Variants in FSTL5 observed in about 807,000 individuals in gnomAD.
The protein encoded by FSTL5 is follistatin like 5, also known as follistatin-related protein 5.
FSTL5 carries 62 observed loss-of-function variants against 89.1 expected under a neutral mutation model. The ratio of observed to expected loss-of-function variants is 0.70; its 90% CI spans 0.57 to 0.86. The LOEUF is 0.86. FSTL5 is among the 40% of genes least tolerant of loss of function. The pLI is 0.00. For synonymous variants in FSTL5, 383 were observed against 346.2 expected (o/e 1.11, Z -1.18); for missense variants, 1,057 against 1,001.6 (o/e 1.06, Z -0.75).
intron 3 of FSTL5, among the ~76,000 whole-genome samples, chr4:161,953,699 T>G (rs1734957679): frequency 2.0e-5 from 3 of 151,672 alleles, no homozygotes; most frequent in African/African-American, 7.2e-5. Context: ...ACATATTTTT[T>G]TCAATGAGAA....
chr4:161,650,860 C>T (rs907793502), intron 7 of FSTL5, among the ~76,000 whole-genome samples: 17 of 152,038 alleles, frequency 1.1e-4, no homozygotes, highest in African/African-American at 4.1e-4. Context: ...ATAATGTAGA[C>T]AATAATGTCT....
At chr4:161,617,510 T>A (rs1734942164) in intron 7 of FSTL5, among the ~76,000 whole-genome samples, 1 of 152,148 alleles carries the variant, frequency 6.6e-6, no homozygotes, top group Non-Finnish European at 1.5e-5. Context: ...CTTACAGACC[T>A]AAGAAGCTGA....
At chr4:161,761,028 T>G (rs1740775300) in intron 5 of FSTL5, among the ~76,000 whole-genome samples, 1 of 151,586 alleles carries the variant, frequency 6.6e-6, no homozygotes, top group African/African-American at 2.4e-5. Flanking sequence ...TAAATAGAAC[T>G]TTTGCAACTC....
intron 4 of FSTL5, among the ~76,000 whole-genome samples, chr4:161,823,122 G>A (rs921671461): frequency 2.0e-5 from 3 of 152,098 alleles, no homozygotes; most frequent in African/African-American, 7.2e-5. Flanking sequence ...CCATTGGCAG[G>A]TATGAAAAAA....
At chr4:161,474,704 C>T (rs996601697) in intron 13 of FSTL5, among the ~76,000 whole-genome samples, 1 of 151,926 alleles carries the variant, frequency 6.6e-6, no homozygotes, top group Admixed American at 6.6e-5. Flanking sequence ...CGCCACCACG[C>T]CTGGCTAATT....
At chr4:161,684,830 A>C (rs1363613598) in intron 6 of FSTL5, among the ~76,000 whole-genome samples, 1 of 152,180 alleles carries the variant, frequency 6.6e-6, no homozygotes, top group East Asian at 1.9e-4. Flanking sequence ...ATCCTTGCCT[A>C]AGCCAATGTC....
chr4:161,777,239 T>TTG (rs1387751882), intron 4 of FSTL5, among the ~76,000 whole-genome samples: 2 of 42,790 alleles, frequency 4.7e-5, no homozygotes, highest in African/African-American at 1.1e-4. Context: ...TAATATTTCA[T>TTG]TGTGTATATA....
Position 161,693,799 on chromosome 4 carries a change from C to T in FSTL5, c.728-37305G>A, listed in dbSNP as rs188470985. ...GACTACAGGTGCCAGCCACCACGCCCGGCTACTTTTTTGTATTTTTAGTAG... is the reference window on the plus strand; with the variant it reads ...GACTACAGGTGCCAGCCACCACGCCTGGCTACTTTTTTGTATTTTTAGTAG... On this transcript the variant is annotated intron_variant, in intron 6 of 15. Transcript: ENST00000306100. Among the ~76,000 whole-genome samples the T allele has an allele frequency of 6.0e-3, 912 of 151,774 alleles. 13 individuals are homozygous for T. Among genetic ancestry groups the T allele is most frequent in the South Asian group, 0.047 (228 of 4,814 alleles).
chr4:161,477,230 A>C (rs1258958398), intron 13 of FSTL5, among the ~76,000 whole-genome samples: 1 of 151,420 alleles, frequency 6.6e-6, no homozygotes, highest in East Asian at 2.0e-4. Context: ...CTACCATCTC[A>C]TAGTAATTTA....
At chr4:161,944,761 A>G (rs1003569285) in intron 3 of FSTL5, among the ~76,000 whole-genome samples, 1 of 151,858 alleles carries the variant, frequency 6.6e-6, no homozygotes, top group African/African-American at 2.4e-5. Flanking sequence ...GTAATTTTTG[A>G]TATTACTAGC....
intron 3 of FSTL5, among the ~76,000 whole-genome samples, chr4:162,027,316 A>T (rs956960674): frequency 6.6e-6 from 1 of 152,040 alleles, no homozygotes; most frequent in Admixed American, 6.6e-5. Context: ...TTAGAGAGGT[A>T]TTTACTTAAT....
intron 6 of FSTL5, among the ~76,000 whole-genome samples, chr4:161,732,038 C>T (rs1739628775): frequency 6.6e-6 from 1 of 151,600 alleles, no homozygotes; most frequent in African/African-American, 2.4e-5. Context: ...CTTTCATTAT[C>T]CCAGGAGTGG....
In FSTL5 at chr4:161,804,392, A is replaced by G. The variant is rs530405478; in HGVS notation, c.410-28318T>C. 2.0e-5 allele frequency among the ~76,000 whole-genome samples: 3 copies of G among 152,086 alleles called. No individual in the cohort carries two copies. In the Middle Eastern group the frequency reaches 0.01, roughly 517 times the overall value. On this transcript the variant is annotated intron_variant, in intron 4 of 15. Transcript: ENST00000306100. ...CACAGATGTGTTCTGAGTTATTTTCATATCTTATTTTTCTTAATATTGAGT... is the reference window on the plus strand; with the variant it reads ...CACAGATGTGTTCTGAGTTATTTTCGTATCTTATTTTTCTTAATATTGAGT...
rs189686065 is a variant in FSTL5, at chr4:161,801,580, A to T, written c.410-25506T>A. Among the ~76,000 whole-genome samples the T allele has an allele frequency of 4.1e-3, 619 of 151,578 alleles. 6 individuals are homozygous for T. The highest frequency in any genetic ancestry group is 0.014 in the African/African-American group (596 of 41,496). ...CTATGTCCTACATTTAAAATCTCTT[A>T]TCTCTTATGTAGCCCTAAACATACT... is the stretch of plus-strand genomic sequence containing the variant. On this transcript the variant is annotated intron_variant, in intron 4 of 15. Coordinates refer to ENST00000306100, the MANE Select transcript of FSTL5 (RefSeq NM_020116.5).
intron 4 of FSTL5, among the ~76,000 whole-genome samples, chr4:161,806,472 G>T (rs1219250422): frequency 2.0e-5 from 3 of 151,978 alleles, no homozygotes; most frequent in Non-Finnish European, 2.9e-5. Flanking sequence ...GAGTGTAAAA[G>T]AAAAGTATCC....
At chr4:162,061,436 G>C (rs1323688444) in intron 2 of FSTL5, among the ~76,000 whole-genome samples, 1 of 152,128 alleles carries the variant, frequency 6.6e-6, no homozygotes, top group Non-Finnish European at 1.5e-5. Context: ...CAGACACCCA[G>C]AGTGTTGGAA....
intron 4 of FSTL5, among the ~76,000 whole-genome samples, chr4:161,857,178 A>C (rs1731747538): frequency 6.6e-6 from 1 of 152,172 alleles, no homozygotes; most frequent in African/African-American, 2.4e-5. Flanking sequence ...ACACTGCTAC[A>C]GTAAAGGTGA....
intron 4 of FSTL5, among the ~76,000 whole-genome samples, chr4:161,854,282 T>A (rs1317346790): frequency 6.6e-6 from 1 of 152,208 alleles, no homozygotes; most frequent in African/African-American, 2.4e-5. Context: ...ATAAAGTATA[T>A]TCTGTCCTTA....
At chr4:161,674,611 G>A (rs573153947) in intron 6 of FSTL5, among the ~76,000 whole-genome samples, 2 of 152,138 alleles carry the variant, frequency 1.3e-5, no homozygotes, top group African/African-American at 2.4e-5. Context: ...GAGGCATGAC[G>A]CTGCAGTCAT....
Sources: gnomAD v4.1 joint callset for allele counts (sites outside exome capture counted in the v4.1 genomes callset) on GRCh38, gnomAD v4.1.1 for gene constraint, MANE v1.5 for transcripts, NCBI Gene and HGNC (gene_info 2026-07-23, HGNC 2026-07-21) for gene names.